PARD3B: variants seen among roughly 807,000 people sequenced by gnomAD.
The protein encoded by PARD3B is par-3 family cell polarity regulator beta.
PARD3B carries 103 observed loss-of-function variants against 130.2 expected under a neutral mutation model. The ratio of observed to expected loss-of-function variants is 0.79; its 90% confidence interval spans 0.67 to 0.93. The LOEUF is 0.93. Among genes scored for constraint, PARD3B ranks in the 40% least tolerant of loss-of-function variants. The pLI is 0.00. For missense variants in PARD3B, 1,609 were observed against 1,499.2 expected (o/e 1.07, Z -1.21); for synonymous variants, 583 against 553.2 (o/e 1.05, Z -0.76).
At chr2:205,226,274 C>G (rs2038541563) in intron 15 of PARD3B, among the ~76,000 whole-genome samples, 1 of 152,130 alleles carries the variant, frequency 6.6e-6, no homozygotes, top group Non-Finnish European at 1.5e-5. Flanking sequence ...ATCTCCTGAT[C>G]TTGTGATCCG....
intron 3 of PARD3B, among the ~76,000 whole-genome samples, chr2:204,999,621 T>TA (rs1369682477): frequency 6.6e-6 from 1 of 152,230 alleles, no homozygotes; most frequent in Non-Finnish European, 1.5e-5. Context: ...ATCCCACTGA[T>TA]AATCATTGTC....
At chr2:204,685,707 T>C (rs957021878) in intron 1 of PARD3B, among the ~76,000 whole-genome samples, 4 of 152,194 alleles carry the variant, frequency 2.6e-5, no homozygotes, top group Non-Finnish European at 5.9e-5. Flanking sequence ...CAGGTGAAGA[T>C]GTTGGTGGCT....
At chr2:204,781,517 T>C (rs1275804190) in intron 2 of PARD3B, among the ~76,000 whole-genome samples, 5 of 152,108 alleles carry the variant, frequency 3.3e-5, no homozygotes, top group African/African-American at 1.2e-4. Flanking sequence ...AATGTTGATG[T>C]TTACTTTTCA....
At chr2:205,058,528 C>T (rs1384773694) in intron 4 of PARD3B, among the ~76,000 whole-genome samples, 1 of 151,942 alleles carries the variant, frequency 6.6e-6, no homozygotes, top group African/African-American at 2.4e-5. Flanking sequence ...TTCTTTTCCA[C>T]AGAGGTGTGT....
At chr2:204,985,059 A>G (rs1030481721) in intron 3 of PARD3B, among the ~76,000 whole-genome samples, 1 of 152,092 alleles carries the variant, frequency 6.6e-6, no homozygotes, top group Non-Finnish European at 1.5e-5. Flanking sequence ...TACAAATTCA[A>G]TGGTAATATT....
intron 1 of PARD3B, among the ~76,000 whole-genome samples, chr2:204,667,664 G>A (rs1472470743): frequency 3.3e-5 from 5 of 152,152 alleles, no homozygotes; most frequent in African/African-American, 1.2e-4. Context: ...GCATGTGAAT[G>A]TGTGTGCTTG....
At chr2:205,108,811 C>T (rs1178339103) in intron 5 of PARD3B, among the ~76,000 whole-genome samples, 1 of 152,120 alleles carries the variant, frequency 6.6e-6, no homozygotes, top group Non-Finnish European at 1.5e-5. Flanking sequence ...AGTCTTGACT[C>T]TATAGAAATG....
intron 18 of PARD3B, among the ~76,000 whole-genome samples, chr2:205,398,487 T>C (rs2046116644): frequency 6.6e-6 from 1 of 152,162 alleles, no homozygotes. Context: ...GACAGTTGGT[T>C]CGCCAGAGTC....
chr2:204,871,340 T>TA (rs959386714), intron 2 of PARD3B, among the ~76,000 whole-genome samples: 7 of 152,146 alleles, frequency 4.6e-5, no homozygotes, highest in African/African-American at 1.4e-4. Context: ...ATTGTTTGAA[T>TA]AAAAAATACT....
chr2:205,132,630 A>T (rs2032108230), intron 10 of PARD3B, among the ~76,000 whole-genome samples: 1 of 152,182 alleles, frequency 6.6e-6, no homozygotes, highest in East Asian at 1.9e-4. Context: ...CGAATCACAC[A>T]ATATTATAAT....
chr2:205,268,084 A>G lies in PARD3B; in HGVS notation c.2185+22262A>G, dbSNP rs1205595285. 6.6e-6 allele frequency among the ~76,000 whole-genome samples: 1 copy of G among 152,214 alleles called. No homozygotes were observed. The highest frequency in any genetic ancestry group is 1.5e-5 in the Non-Finnish European group (1 of 68,036). On this transcript the variant is annotated intron_variant, in intron 16 of 22. Coordinates refer to ENST00000406610, the MANE Select transcript of PARD3B (RefSeq NM_001302769.2). The surrounding 1 kb of genome is among the most constrained non-coding windows in gnomAD (Gnocchi z 4.1). The stretch of plus-strand genomic sequence containing the variant: ...CTAGTGAGCCCTAGTGAACATAGCC[A>G]TCATTCAACTCCTTGCCTTCTCCAA...
chr2:204,740,064 A>G (rs2039935591), intron 2 of PARD3B, among the ~76,000 whole-genome samples: 1 of 151,654 alleles, frequency 6.6e-6, no homozygotes, highest in East Asian at 1.9e-4. Flanking sequence ...CCCAGGCTGG[A>G]GTGCAGTGAT....
At chr2:205,000,873 C>A (rs1355346963) in intron 3 of PARD3B, among the ~76,000 whole-genome samples, 1 of 152,136 alleles carries the variant, frequency 6.6e-6, no homozygotes, top group Non-Finnish European at 1.5e-5. Context: ...CTTTGCATAA[C>A]ATTAGGGCCT....
chr2:205,175,214 G>A (rs909146065), intron 12 of PARD3B, among the ~76,000 whole-genome samples: 1 of 152,094 alleles, frequency 6.6e-6, no homozygotes, highest in African/African-American at 2.4e-5. Flanking sequence ...AAAATTTTTT[G>A]TTCTTGTTGT....
chr2:204,629,069 A>G (rs1437934937), intron 1 of PARD3B, among the ~76,000 whole-genome samples: 1 of 152,160 alleles, frequency 6.6e-6, no homozygotes, highest in Non-Finnish European at 1.5e-5. Flanking sequence ...TGTGCATCCC[A>G]TTGCCTAAAC....
intron 10 of PARD3B, among the ~76,000 whole-genome samples, chr2:205,141,224 A>T (rs545304029): frequency 2.2e-4 from 34 of 152,346 alleles, no homozygotes; most frequent in African/African-American, 7.9e-4. Context: ...ATATATTAAG[A>T]GTATGTTACT....
At chr2:205,434,244 T>C (rs1021614519) in intron 19 of PARD3B, among the ~76,000 whole-genome samples, 1 of 152,244 alleles carries the variant, frequency 6.6e-6, no homozygotes, top group African/African-American at 2.4e-5. Flanking sequence ...GTATGATACA[T>C]TTTTCATTTG....
intron 1 of PARD3B, among the ~76,000 whole-genome samples, chr2:204,625,705 C>A (rs959168148): frequency 3.9e-5 from 6 of 152,136 alleles, no homozygotes; most frequent in African/African-American, 1.4e-4. Context: ...GAAGACTGAT[C>A]TAACCTTTGT....
chr2:205,070,622 A>G (rs982378398), intron 4 of PARD3B, among the ~76,000 whole-genome samples: 1 of 152,156 alleles, frequency 6.6e-6, no homozygotes, highest in African/African-American at 2.4e-5. Flanking sequence ...ATATATAGCA[A>G]TACTTCTTAT....
Sources: gnomAD v4.1 joint callset for allele counts (sites outside exome capture counted in the v4.1 genomes callset) on GRCh38, gnomAD v4.1.1 for gene constraint, Gnocchi (gnomAD v3.1) non-coding constraint, MANE v1.5 for transcripts, NCBI Gene and HGNC (gene_info 2026-07-23, HGNC 2026-07-21) for gene names.